DPP6: variants seen among roughly 807,000 people sequenced by gnomAD.
DPP6 encodes A-type potassium channel modulatory protein DPP6.
In DPP6, 69 loss-of-function variants were observed where a neutral mutation model predicts 122.6. The observed-to-expected ratio is 0.56, with a 90% confidence interval of 0.46 to 0.69. The LOEUF (loss-of-function observed/expected upper bound fraction) is 0.69. DPP6 is among the 30% of genes least tolerant of loss of function. The pLI is 0.00. For synonymous variants in DPP6, 418 were observed against 433.1 expected (o/e 0.97, Z 0.43); for missense variants, 928 against 1,116.9 (o/e 0.83, Z 2.41).
At chr7:154,579,737 G>A (rs1367184897) in intron 5 of DPP6, among the ~76,000 whole-genome samples, 1 of 152,116 alleles carries the variant, frequency 6.6e-6, no homozygotes, top group African/African-American at 2.4e-5. Context: ...GCAGGGAGAT[G>A]GACTGGCAGG....
rs1563249208 is a variant in DPP6, at chr7:154,821,655, T to TACAC, written c.1666+14544_1666+14545insCACA. ...ATATATATATATATATACACATATA[T>TACAC]ATATATATACACATATATATATACA... On this transcript the variant is annotated intron_variant, in intron 16 of 25. Coordinates refer to ENST00000377770, the MANE Select transcript of DPP6 (RefSeq NM_130797.4). The surrounding 1 kb of genome is among the most constrained non-coding windows in gnomAD (Gnocchi z 4.2). Among the ~76,000 whole-genome samples, 3 of 137,818 alleles carry TACAC rather than the reference T, an allele frequency of 2.2e-5. No homozygotes were observed. Among genetic ancestry groups the TACAC allele is most frequent in the African/African-American group, 8.7e-5 (3 of 34,494 alleles). 90.4% of individuals were successfully genotyped at this position (137,818 alleles called of 152,430 possible).
At chr7:154,702,811 G>A (rs1274203495) in intron 7 of DPP6, among the ~76,000 whole-genome samples, 1 of 152,208 alleles carries the variant, frequency 6.6e-6, no homozygotes, top group Non-Finnish European at 1.5e-5. Flanking sequence ...GATGAAGATG[G>A]CTACACCAAA....
intron 1 of DPP6, among the ~76,000 whole-genome samples, chr7:154,333,578 G>T (rs1189340848): frequency 6.6e-6 from 1 of 152,168 alleles, no homozygotes; most frequent in African/African-American, 2.4e-5. Flanking sequence ...ATGAGGAAAG[G>T]TTGGTTAATC....
At chr7:154,767,976 A>G (rs991965214) in intron 8 of DPP6, among the ~76,000 whole-genome samples, 1 of 152,188 alleles carries the variant, frequency 6.6e-6, no homozygotes, top group Non-Finnish European at 1.5e-5. Flanking sequence ...CAGCATCCCC[A>G]TCAGTGCCAT....
intron 3 of DPP6, among the ~76,000 whole-genome samples, chr7:154,502,448 T>A (rs1825332772): frequency 6.6e-6 from 1 of 152,048 alleles, no homozygotes. Context: ...AGGTGATGAA[T>A]TATGGGGGTG....
At chr7:154,742,206 G>A (rs899251391) in intron 8 of DPP6, among the ~76,000 whole-genome samples, 1 of 152,216 alleles carries the variant, frequency 6.6e-6, no homozygotes, top group Non-Finnish European at 1.5e-5. Flanking sequence ...CCTGCAGGAA[G>A]CAGCTCCTTC....
chr7:154,389,527 T>C (rs1814429964), intron 1 of DPP6, among the ~76,000 whole-genome samples: 1 of 152,228 alleles, frequency 6.6e-6, no homozygotes, highest in Admixed American at 6.5e-5. Context: ...TCACTATGGC[T>C]TTGCATCTGA....
chr7:154,423,721 G>A (rs1051999546), intron 1 of DPP6, among the ~76,000 whole-genome samples: 1 of 152,222 alleles, frequency 6.6e-6, no homozygotes, highest in Non-Finnish European at 1.5e-5. Flanking sequence ...CAGTTTTATT[G>A]TCAAAATGTA....
chr7:154,632,706 G>T (rs1398542962), intron 5 of DPP6, among the ~76,000 whole-genome samples: 2 of 152,078 alleles, frequency 1.3e-5, no homozygotes, highest in African/African-American at 4.8e-5. Flanking sequence ...AAGAATGGAA[G>T]ATTTCATAGG....
chr7:154,644,140 T>A (rs1298948066), intron 6 of DPP6, among the ~76,000 whole-genome samples: 1 of 152,190 alleles, frequency 6.6e-6, no homozygotes, highest in Non-Finnish European at 1.5e-5. Context: ...CATAGCAACC[T>A]TTTGGAGCAG....
At chr7:154,418,289 T>C (rs1249631919) in intron 1 of DPP6, among the ~76,000 whole-genome samples, 1 of 152,240 alleles carries the variant, frequency 6.6e-6, no homozygotes, top group Non-Finnish European at 1.5e-5. Context: ...CATCCTTTTG[T>C]TCTGTTAGTG....
rs547596393 is a variant in DPP6 at position 154,103,005 on chromosome 7, A to G, written c.243+49942A>G. Among the ~76,000 whole-genome samples, 198 of 151,004 alleles carry G rather than the reference A, an allele frequency of 1.3e-3. 3 individuals are homozygous for G. Among genetic ancestry groups the G allele is most frequent in the South Asian group, 4.1e-3 (20 of 4,822 alleles). ...ATTCTGAATCACAAAGGCCAGCCCC[A>G]TGGGGTCAGAGGGTTGGCCTGGTTA... On this transcript the variant is annotated intron_variant, in intron 1 of 25. Transcript: ENST00000377770.
intron 1 of DPP6, among the ~76,000 whole-genome samples, chr7:154,336,962 C>T (rs1400481049): frequency 6.6e-6 from 1 of 152,192 alleles, no homozygotes; most frequent in African/African-American, 2.4e-5. Context: ...CGAGACCCGG[C>T]AGGGACAACC....
chr7:154,577,512 T>C (rs1831762855), intron 5 of DPP6, among the ~76,000 whole-genome samples: 1 of 152,174 alleles, frequency 6.6e-6, no homozygotes, highest in Non-Finnish European at 1.5e-5. Flanking sequence ...GCACTGTTGC[T>C]TGGCCTCCTG....
intron 1 of DPP6, among the ~76,000 whole-genome samples, chr7:153,994,271 A>T (rs925487231): frequency 1.3e-5 from 2 of 151,750 alleles, no homozygotes; most frequent in African/African-American, 4.9e-5. Flanking sequence ...CTCTCAAACC[A>T]TACCACGTAA....
chr7:154,733,299 C>G (rs1201387112), intron 8 of DPP6, among the ~76,000 whole-genome samples: 3 of 152,198 alleles, frequency 2.0e-5, no homozygotes, highest in African/African-American at 7.2e-5. Context: ...GTAGTCAGGC[C>G]CACTGTACAA....
intron 1 of DPP6, among the ~76,000 whole-genome samples, chr7:154,136,071 G>A (rs1215174571): frequency 6.6e-6 from 1 of 152,190 alleles, no homozygotes; most frequent in Non-Finnish European, 1.5e-5. Context: ...CAGAACTCTG[G>A]AAGGTGTTGC....
intron 8 of DPP6, among the ~76,000 whole-genome samples, chr7:154,765,956 C>T (rs1587072537): frequency 6.6e-6 from 1 of 152,284 alleles, no homozygotes; most frequent in East Asian, 1.9e-4. Context: ...AAGCTGGAAT[C>T]CTGCAGAAAA....
intron 3 of DPP6, among the ~76,000 whole-genome samples, chr7:154,530,800 A>G (rs1314183889): frequency 6.6e-6 from 1 of 152,216 alleles, no homozygotes; most frequent in East Asian, 1.9e-4. Flanking sequence ...ACTATGGAAT[A>G]CTATACTATG....
Sources: allele counts gnomAD v4.1 joint callset (sites outside exome capture counted in the v4.1 genomes callset), GRCh38; gene constraint gnomAD v4.1.1; non-coding constraint Gnocchi (gnomAD v3.1); transcripts MANE v1.5; gene names NCBI Gene and HGNC (gene_info 2026-07-23, HGNC 2026-07-21).